GAS2: variants seen among roughly 807,000 people sequenced by gnomAD.
The protein encoded by GAS2 is growth arrest-specific protein 2.
GAS2 carries 20 observed loss-of-function variants against 37.5 expected under a neutral mutation model. The observed-to-expected ratio is 0.53, with a 90% CI of 0.37 to 0.77. GAS2 has a LOEUF of 0.77. GAS2 is among the 30% of genes least tolerant of loss of function. The probability of loss-of-function intolerance (pLI) is 0.00; values close to 1 mark genes in which losing one functional copy is unlikely to be tolerated. For missense variants in GAS2, 336 were observed against 373.4 expected, an observed-to-expected ratio of 0.90 and a Z score of 0.82; for synonymous variants, 144 against 132.2, an observed-to-expected ratio of 1.09 and a Z score of -0.61.
intron 7 of GAS2, among the ~76,000 whole-genome samples, chr11:22,764,438 T>C (rs1014814071): frequency 2.0e-5 from 3 of 151,730 alleles, no homozygotes; most frequent in Non-Finnish European, 4.4e-5. Flanking sequence ...CAGGCGACTG[T>C]AGTCCCCGCT....
intron 3 of GAS2, among the ~76,000 whole-genome samples, chr11:22,698,683 G>T (rs555649237): frequency 3.3e-5 from 5 of 151,588 alleles, no homozygotes; most frequent in South Asian, 4.2e-4. Flanking sequence ...GATCAAGTGG[G>T]CTTCATCCCT....
chr11:22,691,668 A>G (rs1167868709), intron 3 of GAS2, among the ~76,000 whole-genome samples: 1 of 152,212 alleles, frequency 6.6e-6, no homozygotes, highest in Non-Finnish European at 1.5e-5. Flanking sequence ...GGAAGAATAT[A>G]AGTGGCATGA....
intron 4 of GAS2, among the ~76,000 whole-genome samples, chr11:22,735,489 T>C (rs1157759719): frequency 6.6e-6 from 1 of 151,814 alleles, no homozygotes; most frequent in Non-Finnish European, 1.5e-5. Flanking sequence ...TGAAGAATCA[T>C]GCAGTTTCTT....
At position 22,812,428 on chromosome 11, in the gene GAS2, CTT is replaced by C. The variant is rs35549681; in HGVS notation, c.*429_*430del. 2.2e-3 allele frequency: 306 copies of C among 136,900 alleles called. 1 individual carries two copies. Among genetic ancestry groups the C allele is most frequent in the African/African-American group, 6.0e-3 (217 of 36,416 alleles). 8.5% of individuals were successfully genotyped at this position (136,900 alleles called of 1,614,324 possible). A position where few individuals can be genotyped will look rare whatever the true frequency, so the allele number is the denominator to read the frequency against. ...TTTTTATAATTGCAAGATTTTTATG[CTT>C]TTTTTTTTTTTTTTTTACAAAATGA... On this transcript the variant is annotated 3_prime_UTR_variant, in exon 8 of 8. Transcript: ENST00000454584.
chr11:22,690,471 G>A lies in GAS2; in HGVS notation c.267+4682G>A, dbSNP rs568839939. ...AGTGGGCCATTTTCTAACTCTGCATGGGAGCAATGCAGAGACTTCACAGAC... is the reference window on the plus strand; with the variant it reads ...AGTGGGCCATTTTCTAACTCTGCATAGGAGCAATGCAGAGACTTCACAGAC... On this transcript the variant is annotated intron_variant, in intron 3 of 7. Transcript: ENST00000454584. Among the ~76,000 whole-genome samples, 2 of 152,250 alleles carry A rather than the reference G, an allele frequency of 1.3e-5. 1 individual carries two copies. The highest frequency in any genetic ancestry group is 4.1e-4 in the South Asian group (2 of 4,828).
intron 7 of GAS2, among the ~76,000 whole-genome samples, chr11:22,769,212 G>A (rs750749758): frequency 6.6e-5 from 10 of 152,086 alleles, no homozygotes; most frequent in Non-Finnish European, 1.5e-5. Context: ...CCCCTCCCAG[G>A]GTGATATTTA....
chr11:22,649,003 A>C (rs1848738653), intron 1 of GAS2, among the ~76,000 whole-genome samples: 1 of 152,150 alleles, frequency 6.6e-6, no homozygotes, highest in Non-Finnish European at 1.5e-5. Flanking sequence ...CCAGTTGTCA[A>C]AGGGAATGCT....
At chr11:22,647,813 C>G (rs1848720707) in intron 1 of GAS2, among the ~76,000 whole-genome samples, 1 of 151,870 alleles carries the variant, frequency 6.6e-6, no homozygotes, top group Admixed American at 6.6e-5. Context: ...ATTGTAGATT[C>G]TGGATATTAG....
At chr11:22,692,798 C>T (rs963571899) in intron 3 of GAS2, among the ~76,000 whole-genome samples, 1 of 152,006 alleles carries the variant, frequency 6.6e-6, no homozygotes, top group Non-Finnish European at 1.5e-5. Context: ...AAAATATGGC[C>T]CAGTGGATCA....
intron 3 of GAS2, among the ~76,000 whole-genome samples, chr11:22,711,280 C>A (rs415908): frequency 0.93 from 141,852 of 152,216 alleles, 66,893 homozygotes; most frequent in East Asian, 1. Context: ...ATGAAAGATA[C>A]AAGTAGAAGC....
At chr11:22,793,360 G>C (rs1189592750) in intron 7 of GAS2, among the ~76,000 whole-genome samples, 1 of 152,036 alleles carries the variant, frequency 6.6e-6, no homozygotes, top group African/African-American at 2.4e-5. Context: ...TAATGAAATT[G>C]GTTTATAATT....
At chr11:22,742,112 T>G (rs1480297348) in intron 5 of GAS2, among the ~76,000 whole-genome samples, 1 of 151,980 alleles carries the variant, frequency 6.6e-6, no homozygotes. Flanking sequence ...CTGTTCCCTA[T>G]CACTTTAAAA....
chr11:22,680,521 A>T (rs960715293), intron 2 of GAS2, among the ~76,000 whole-genome samples: 1 of 152,188 alleles, frequency 6.6e-6, no homozygotes, highest in Non-Finnish European at 1.5e-5. Context: ...ACTGAGAGGT[A>T]CAGTGGGGAT....
At chr11:22,695,988 T>A (rs868721455) in intron 3 of GAS2, among the ~76,000 whole-genome samples, 2 of 151,988 alleles carry the variant, frequency 1.3e-5, no homozygotes, top group African/African-American at 4.8e-5. Flanking sequence ...CATGTGCACA[T>A]TGTGCAGGTT....
intron 4 of GAS2, chr11:22,731,317 T>C (rs749658373): frequency 3.6e-5 from 16 of 445,518 alleles, no homozygotes; most frequent in Admixed American, 2.9e-4. Flanking sequence ...CATTATGTTA[T>C]TGGATAATTA....
At chr11:22,641,498 C>A (rs535380307) in intron 1 of GAS2, among the ~76,000 whole-genome samples, 23 of 151,042 alleles carry the variant, frequency 1.5e-4, no homozygotes, top group African/African-American at 2.2e-4. Context: ...CCCTCCCCCC[C>A]ACACACCCCA....
intron 5 of GAS2, among the ~76,000 whole-genome samples, chr11:22,741,446 T>A (rs1565120551): frequency 6.6e-6 from 1 of 151,972 alleles, no homozygotes; most frequent in African/African-American, 2.4e-5. Flanking sequence ...AAGATGATCC[T>A]TATAATAGAA....
chr11:22,630,330 G>A (rs572894943), intron 1 of GAS2, among the ~76,000 whole-genome samples: 1 of 152,254 alleles, frequency 6.6e-6, no homozygotes, highest in Admixed American at 6.5e-5. Flanking sequence ...AGTTTGCTGA[G>A]AATGATGGTT....
At chr11:22,650,765 T>G (rs1241686449) in intron 1 of GAS2, among the ~76,000 whole-genome samples, 1 of 152,232 alleles carries the variant, frequency 6.6e-6, no homozygotes, top group Non-Finnish European at 1.5e-5. Context: ...GTTTTCCATT[T>G]GCTTGGTAGA....
Sources: allele counts gnomAD v4.1 joint callset (sites outside exome capture counted in the v4.1 genomes callset), GRCh38; gene constraint gnomAD v4.1.1; transcripts MANE v1.5; gene names NCBI Gene and HGNC (gene_info 2026-07-23, HGNC 2026-07-21).